Variants in CTNNA3 observed in about 807,000 individuals in gnomAD.
CTNNA3 encodes catenin alpha-3.
In CTNNA3, 76 loss-of-function variants were observed where a neutral mutation model predicts 95.7. The ratio of observed to expected loss-of-function variants is 0.79; its 90% confidence interval spans 0.66 to 0.96. CTNNA3 has a LOEUF of 0.96. CTNNA3 is among the 40% of genes least tolerant of loss of function. The pLI, the probability that CTNNA3 is intolerant of heterozygous loss-of-function variation, is 0.00. For missense variants in CTNNA3, 1,191 were observed against 1,089.8 expected, an observed-to-expected ratio of 1.09 and a Z score of -1.31; for synonymous variants, 431 against 374.4, an observed-to-expected ratio of 1.15 and a Z score of -1.74.
At chr10:66,606,065 T>A (rs375666830) in intron 10 of CTNNA3, among the ~76,000 whole-genome samples, 17 of 151,472 alleles carry the variant, frequency 1.1e-4, no homozygotes, top group African/African-American at 4.1e-4. Context: ...AGGCTCAAAA[T>A]AAAGGAATGG....
chr10:67,576,079 C>A (rs572091462), intron 3 of CTNNA3, among the ~76,000 whole-genome samples: 2 of 152,198 alleles, frequency 1.3e-5, no homozygotes, highest in Admixed American at 1.3e-4. Context: ...AAGTTGAACC[C>A]ACCCTTAGAC....
chr10:66,361,496 C>T (rs59621516), intron 12 of CTNNA3, among the ~76,000 whole-genome samples: 15,805 of 148,844 alleles, frequency 0.11, 1,034 homozygotes, highest in East Asian at 0.26. Flanking sequence ...CTTTCTCTCT[C>T]TCTCTCCTTC....
At chr10:67,079,825 G>A (rs991122563) in intron 7 of CTNNA3, among the ~76,000 whole-genome samples, 1 of 151,346 alleles carries the variant, frequency 6.6e-6, no homozygotes, top group African/African-American at 2.4e-5. Context: ...TCCAGCCTGG[G>A]TGGCACAGCG....
At chr10:67,615,316 G>C (rs1843613585) in intron 2 of CTNNA3, among the ~76,000 whole-genome samples, 1 of 152,176 alleles carries the variant, frequency 6.6e-6, no homozygotes, top group Non-Finnish European at 1.5e-5. Context: ...CACACAGATG[G>C]CATAACAAAG....
chr10:67,216,121 T>C (rs754330562), intron 6 of CTNNA3, among the ~76,000 whole-genome samples: 1 of 152,172 alleles, frequency 6.6e-6, no homozygotes, highest in Non-Finnish European at 1.5e-5. Context: ...AGCTTCTAAA[T>C]GCTAATCTGA....
Position 66,927,880 on chromosome 10 carries a change from T to G in CTNNA3, c.1048-152356A>C. The G allele has an allele frequency of 6.2e-7, 1 of 1,614,224 alleles. No homozygotes were observed. The highest frequency in any genetic ancestry group is 8.5e-7 in the Non-Finnish European group (1 of 1,180,042). ...ATGGGAATGCAGCAGAAATATTTGCTCCCTTGTAAACTGGCTGAAAAGTTT... is the reference window on the plus strand; with the variant it reads ...ATGGGAATGCAGCAGAAATATTTGCGCCCTTGTAAACTGGCTGAAAAGTTT... On this transcript the variant is annotated intron_variant, in intron 7 of 17. Coordinates refer to ENST00000433211, the MANE Select transcript of CTNNA3 (RefSeq NM_013266.4). This position sits in a 1 kb window ranked among gnomAD's most constrained non-coding sequence, Gnocchi z 4.7.
chr10:66,843,930 T>A (rs753533817), intron 7 of CTNNA3, among the ~76,000 whole-genome samples: 4 of 152,254 alleles, frequency 2.6e-5, no homozygotes, highest in Non-Finnish European at 5.9e-5. Context: ...CAGTTTCTTT[T>A]ATTTCTTTGT....
chr10:66,167,740 G>A (rs1012658601), intron 13 of CTNNA3, among the ~76,000 whole-genome samples: 1 of 152,128 alleles, frequency 6.6e-6, no homozygotes, highest in African/African-American at 2.4e-5. Context: ...AGATCATGAT[G>A]AAATTATTAA....
chr10:66,077,033 G>T (rs1293643336), intron 14 of CTNNA3, among the ~76,000 whole-genome samples: 1 of 151,766 alleles, frequency 6.6e-6, no homozygotes. Context: ...GAAGGAATCT[G>T]TGTATAAACT....
intron 5 of CTNNA3, among the ~76,000 whole-genome samples, chr10:67,464,925 G>A (rs771778942): frequency 2.0e-5 from 3 of 151,470 alleles, no homozygotes; most frequent in East Asian, 2.0e-4. Flanking sequence ...TAGAGGCTTC[G>A]GGGGAGAAAA....
intron 7 of CTNNA3, among the ~76,000 whole-genome samples, chr10:66,821,038 G>A (rs1842289262): frequency 6.6e-6 from 1 of 151,944 alleles, no homozygotes; most frequent in Non-Finnish European, 1.5e-5. Context: ...CAGCATACGT[G>A]ATTTCTTAGA....
chr10:67,341,341 C>G (rs1197249631), intron 5 of CTNNA3, among the ~76,000 whole-genome samples: 1 of 152,064 alleles, frequency 6.6e-6, no homozygotes, highest in Non-Finnish European at 1.5e-5. Flanking sequence ...CGTCACCTCC[C>G]CACAACTACA....
intron 7 of CTNNA3, among the ~76,000 whole-genome samples, chr10:66,814,219 G>T (rs1351472923): frequency 1.3e-5 from 2 of 151,266 alleles, no homozygotes; most frequent in African/African-American, 4.9e-5. Context: ...AAGCCTCTGG[G>T]GTGGGTGACA....
At chr10:66,735,359 T>G (rs1032518194) in intron 9 of CTNNA3, among the ~76,000 whole-genome samples, 1 of 151,936 alleles carries the variant, frequency 6.6e-6, no homozygotes, top group Non-Finnish European at 1.5e-5. Flanking sequence ...TATTTAGAGG[T>G]AACTAACATT....
intron 1 of CTNNA3, among the ~76,000 whole-genome samples, chr10:67,708,032 T>C (rs1412826221): frequency 6.6e-6 from 1 of 152,116 alleles, no homozygotes; most frequent in Non-Finnish European, 1.5e-5. Context: ...TCAGTCCGGG[T>C]GAATTTAGTG....
At chr10:67,249,691 A>T (rs1866032443) in intron 5 of CTNNA3, among the ~76,000 whole-genome samples, 1 of 152,266 alleles carries the variant, frequency 6.6e-6, no homozygotes, top group Admixed American at 6.5e-5. Flanking sequence ...TATTATCATT[A>T]AAGGTGGCAG....
chr10:66,030,296 C>T (rs907211049), intron 15 of CTNNA3, among the ~76,000 whole-genome samples: 1 of 152,048 alleles, frequency 6.6e-6, no homozygotes, highest in Non-Finnish European at 1.5e-5. Flanking sequence ...AAGCAGAAAA[C>T]ATCACATTAC....
At chr10:66,712,373 C>T (rs571203694) in intron 9 of CTNNA3, among the ~76,000 whole-genome samples, 2 of 152,118 alleles carry the variant, frequency 1.3e-5, no homozygotes, top group South Asian at 2.1e-4. Flanking sequence ...AAACATGTAG[C>T]CTGCATATTG....
At chr10:66,318,276 A>ATATATGTGTGTGTGTGTGTGTGTG (rs33943741) in intron 12 of CTNNA3, among the ~76,000 whole-genome samples, 2 of 136,602 alleles carry the variant, frequency 1.5e-5, no homozygotes, top group East Asian at 2.2e-4. Flanking sequence ...ATATATATAT[A>ATATATGTGTGTGTGTGTGTGTGTG]TGTGTGTGTG....
Sources: allele counts gnomAD v4.1 joint callset (sites outside exome capture counted in the v4.1 genomes callset), GRCh38; gene constraint gnomAD v4.1.1; non-coding constraint Gnocchi (gnomAD v3.1); transcripts MANE v1.5; gene names NCBI Gene and HGNC (gene_info 2026-07-23, HGNC 2026-07-21).